The following TMTC1 variants were observed in gnomAD, a reference collection of about 807,000 sequenced individuals.
TMTC1 encodes protein O-mannosyl-transferase TMTC1.
In TMTC1, 73 loss-of-function variants were observed where a neutral mutation model predicts 104.8. That is an observed-to-expected ratio of 0.70 (90% CI 0.58 to 0.85). TMTC1 has a LOEUF of 0.85. Ranked by LOEUF, TMTC1 falls within the 40% of genes least tolerant of loss-of-function variation. The pLI is 0.00. For synonymous variants in TMTC1, 434 were observed against 428.7 expected (o/e 1.01, Z -0.15); for missense variants, 1,035 against 1,096.1 (o/e 0.94, Z 0.79).
At chr12:29,644,133 GTGTGTGTGTGTGTGTGTATATATA>G (rs1264838842) in intron 5 of TMTC1, among the ~76,000 whole-genome samples, 1 of 100,508 alleles carries the variant, frequency 9.9e-6, no homozygotes, top group Non-Finnish European at 2.0e-5. Flanking sequence ...GTGTGTGTGT[GTGTGTGTGTGTGTGTGTATATATA>G]TATATAATGA....
chr12:29,610,407 C>A (rs1000404094), intron 6 of TMTC1, among the ~76,000 whole-genome samples: 2 of 152,158 alleles, frequency 1.3e-5, no homozygotes, highest in East Asian at 1.9e-4. Context: ...TGTTATCTGG[C>A]AAATGGGGTT....
chr12:29,753,169 G>GCTA (rs1291111014), intron 4 of TMTC1, among the ~76,000 whole-genome samples: 2 of 152,198 alleles, frequency 1.3e-5, no homozygotes, highest in African/African-American at 4.8e-5. Flanking sequence ...ACCACCTAGT[G>GCTA]CTAAGATGTT....
intron 10 of TMTC1, among the ~76,000 whole-genome samples, chr12:29,551,392 A>G (rs299473): frequency 0.34 from 51,098 of 152,104 alleles, 9,921 homozygotes; most frequent in Non-Finnish European, 0.45. Context: ...TATTTTTTAG[A>G]TATTCAATTT....
At chr12:29,617,536 CAGAGAG>C (rs145115277) in intron 6 of TMTC1, among the ~76,000 whole-genome samples, 65 of 135,010 alleles carry the variant, frequency 4.8e-4, no homozygotes, top group African/African-American at 1.6e-3. Context: ...AAACAGACAA[CAGAGAG>C]AGAGAGAGAG....
chr12:29,721,663 G>T (rs1281203861), intron 5 of TMTC1, among the ~76,000 whole-genome samples: 2 of 151,908 alleles, frequency 1.3e-5, no homozygotes, highest in Admixed American at 1.3e-4. Context: ...CAACATAAAA[G>T]ATTTAAATAA....
chr12:29,769,463 G>A (rs779080879), intron 1 of TMTC1, among the ~76,000 whole-genome samples: 3 of 152,176 alleles, frequency 2.0e-5, no homozygotes, highest in Non-Finnish European at 2.9e-5. Context: ...AATAGGCAGT[G>A]AACTAGAGAA....
chr12:29,720,824 A>T (rs1457348809), intron 5 of TMTC1, among the ~76,000 whole-genome samples: 1 of 152,190 alleles, frequency 6.6e-6, no homozygotes, highest in African/African-American at 2.4e-5. Context: ...TATCCCAAGC[A>T]GGATAAATAA....
chr12:29,516,548 C>T (rs1943992682), intron 14 of TMTC1, 62 bp from the exon 15 acceptor site: 1 of 1,534,764 alleles, frequency 6.5e-7, no homozygotes, highest in African/African-American at 1.4e-5. Context: ...ATAAAGCATC[C>T]CTGAATAGAA....
At chr12:29,590,560 G>A (rs1946254245) in intron 7 of TMTC1, among the ~76,000 whole-genome samples, 1 of 152,212 alleles carries the variant, frequency 6.6e-6, no homozygotes, top group Admixed American at 6.5e-5. Context: ...GCCAAGGCGG[G>A]CAGATCAGGA....
intron 6 of TMTC1, among the ~76,000 whole-genome samples, chr12:29,624,016 G>T (rs1442149626): frequency 6.6e-6 from 1 of 151,962 alleles, no homozygotes; most frequent in Non-Finnish European, 1.5e-5. Flanking sequence ...TGGAGTCTCT[G>T]TTGCCCTGGC....
intron 1 of TMTC1, among the ~76,000 whole-genome samples, chr12:29,780,504 A>C (rs1289250094): frequency 6.6e-6 from 1 of 152,242 alleles, no homozygotes; most frequent in Non-Finnish European, 1.5e-5. Context: ...ATTATGGATT[A>C]GGCAGTTGTT....
chr12:29,671,534 G>A (rs1940517390), intron 5 of TMTC1, among the ~76,000 whole-genome samples: 1 of 152,048 alleles, frequency 6.6e-6, no homozygotes, highest in African/African-American at 2.4e-5. Flanking sequence ...GACAGACACT[G>A]TTCTAAACAC....
chr12:29,704,618 T>C (rs1941690332), intron 5 of TMTC1, among the ~76,000 whole-genome samples: 1 of 152,218 alleles, frequency 6.6e-6, no homozygotes, highest in Non-Finnish European at 1.5e-5. Flanking sequence ...TGAAATTTAA[T>C]TGGACAATTT....
chr12:29,695,673 A>G (rs1591938394), intron 5 of TMTC1, among the ~76,000 whole-genome samples: 1 of 151,746 alleles, frequency 6.6e-6, no homozygotes, highest in East Asian at 1.9e-4. Flanking sequence ...ATTACGATAT[A>G]ACCCAAAAGT....
intron 5 of TMTC1, among the ~76,000 whole-genome samples, chr12:29,643,995 T>A (rs1336618615): frequency 2.6e-5 from 3 of 113,380 alleles, no homozygotes; most frequent in African/African-American, 7.5e-5. Flanking sequence ...ATATATAATT[T>A]ATATATAAAT....
chr12:29,680,456 G>T (rs2136711738), intron 5 of TMTC1, among the ~76,000 whole-genome samples: 1 of 152,224 alleles, frequency 6.6e-6, no homozygotes. Context: ...AGTTAGAAAA[G>T]AATTAATAAA....
rs200543052 is a variant in TMTC1 at position 29,637,085 on chromosome 12, AACACAC to A, written c.939-3755_939-3750del. Among the ~76,000 whole-genome samples the A allele has an allele frequency of 1.3e-3, 64 of 47,696 alleles. 1 individual carries two copies. The Middle Eastern group carries it at 0.093, about 69-fold the overall frequency. 31.3% of individuals were successfully genotyped at this position (47,696 alleles called of 152,430 possible). ...CAAAATGAAACGAAACAAAATGAGA[AACACAC>A]ACACACACACACACACACACACACA... On this transcript the variant is annotated intron_variant, in intron 5 of 17. Transcript: ENST00000539277.
At chr12:29,756,428 C>T (rs1943217926) in intron 3 of TMTC1, among the ~76,000 whole-genome samples, 1 of 152,178 alleles carries the variant, frequency 6.6e-6, no homozygotes, top group Non-Finnish European at 1.5e-5. Flanking sequence ...TGCTTCCATA[C>T]ATAAAACAAA....
At chr12:29,728,703 A>G (rs185113615) in intron 5 of TMTC1, among the ~76,000 whole-genome samples, 1 of 152,220 alleles carries the variant, frequency 6.6e-6, no homozygotes, top group East Asian at 1.9e-4. Context: ...TGAAGGCTTA[A>G]AAAGCACTGC....
Sources: allele counts gnomAD v4.1 joint callset (sites outside exome capture counted in the v4.1 genomes callset), GRCh38; gene constraint gnomAD v4.1.1; transcripts MANE v1.5; gene names NCBI Gene and HGNC (gene_info 2026-07-23, HGNC 2026-07-21).